CLCA4: variants seen among roughly 807,000 people sequenced by gnomAD.
The protein encoded by CLCA4 is calcium-activated chloride channel regulator 4.
CLCA4 carries 69 observed loss-of-function variants against 78.9 expected under a neutral mutation model. The ratio of observed to expected loss-of-function variants is 0.87; its 90% CI spans 0.72 to 1.07. The LOEUF (loss-of-function observed/expected upper bound fraction) is 1.07. Among genes scored for constraint, CLCA4 ranks in the 50% least tolerant of loss-of-function variants. The pLI is 0.00. For synonymous variants in CLCA4, 362 were observed against 375.8 expected (o/e 0.96, Z 0.42); for missense variants, 1,133 against 1,095.8 (o/e 1.03, Z -0.48).
chr1:86,576,531 A>G (rs1217883391), intron 11 of CLCA4, among the ~76,000 whole-genome samples: 2 of 151,980 alleles, frequency 1.3e-5, no homozygotes. Flanking sequence ...CAGGCAACCA[A>G]TGTCTGTCAC....
At chr1:86,578,519 T>A (rs536765299) in intron 12 of CLCA4, among the ~76,000 whole-genome samples, 19 of 152,174 alleles carry the variant, frequency 1.2e-4, no homozygotes, top group Admixed American at 2.6e-4. Flanking sequence ...TGAATTCTCA[T>A]CATTTAGCTC....
intron 11 of CLCA4, among the ~76,000 whole-genome samples, chr1:86,576,813 A>G (rs1011191894): frequency 6.6e-6 from 1 of 152,004 alleles, no homozygotes; most frequent in East Asian, 1.9e-4. Context: ...ATCAAGATGC[A>G]ACGTTGGCCA....
intron 1 of CLCA4, among the ~76,000 whole-genome samples, chr1:86,547,592 T>C (rs773125358): frequency 7.2e-5 from 11 of 152,324 alleles, no homozygotes; most frequent in Middle Eastern, 3.4e-3. Context: ...TTTGTACACA[T>C]TGACAAACTT....
At chr1:86,578,373 G>A (rs539892413) in intron 12 of CLCA4, among the ~76,000 whole-genome samples, 22 of 151,994 alleles carry the variant, frequency 1.4e-4, no homozygotes, top group Non-Finnish European at 2.5e-4. Context: ...GTGTCATGGC[G>A]GTTTGTTGTA....
chr1:86,559,723 T>C (rs1649956212), intron 1 of CLCA4, among the ~76,000 whole-genome samples: 1 of 152,240 alleles, frequency 6.6e-6, no homozygotes, highest in Non-Finnish European at 1.5e-5. Flanking sequence ...GGCAGGATTA[T>C]AGAAGACTGA....
At chr1:86,553,215 A>T in intron 1 of CLCA4, 1 of 1,170,968 alleles carries the variant, frequency 8.5e-7, no homozygotes. Flanking sequence ...CTGCAGCTTC[A>T]CCAGGGACAT....
chr1:86,571,248 A>T lies in CLCA4; in HGVS notation c.1354A>T (p.Ile452Leu). The change falls in exon 8 of 14, where the codon ATA becomes TTA. Residue 452 changes from isoleucine (I) to leucine (L), a missense_variant. Transcript: ENST00000370563. ...ADEAVIEMSK[I>L]TGGSHFYVSD... ...TGAAGCAGTAATAGAGATGAGCAAG[A>T]TAACAGGTAAAACACGATCCATTTA... The T allele has an allele frequency of 6.2e-7, 1 of 1,611,082 alleles. No homozygotes were observed. The highest frequency in any genetic ancestry group is 8.5e-7 in the Non-Finnish European group (1 of 1,177,990).
At position 86,567,484 on chromosome 1, in the gene CLCA4, G is replaced by C. The variant is rs1650236725; in HGVS notation, c.1015G>C (p.Glu339Gln). The C allele has an allele frequency of 6.2e-7, 1 of 1,613,198 alleles. No homozygotes were observed. The highest frequency in any genetic ancestry group is 1.7e-5 in the Admixed American group (1 of 59,932). The change falls in exon 7 of 14, where the codon GAA (glutamate) becomes CAA (glutamine). Residue 339 changes from glutamate (E) to glutamine (Q), a missense_variant. Physicochemically the swap from Glu to Gln is conservative, Grantham distance 29 (BLOSUM62 2). Coordinates refer to ENST00000370563, the MANE Select transcript of CLCA4 (RefSeq NM_012128.4). ...AAKHFLLQTV[E>Q]NGSWVGMVHF... Reference sequence around the variant, plus strand: ...AAAACATTTCCTGCTGCAGACTGTTGAAAATGGATCCTGGGTGGGGATGGT... The same window carrying C: ...AAAACATTTCCTGCTGCAGACTGTTCAAAATGGATCCTGGGTGGGGATGGT...
At position 86,575,583 on chromosome 1, in the gene CLCA4, T is replaced by C. The variant is rs1650490811; in HGVS notation, c.1935T>C (p.Leu645=). Residue 645 remains leucine (L), a synonymous_variant, in exon 11 of 14, where the codon CTT becomes CTC. Coordinates refer to ENST00000370563, the MANE Select transcript of CLCA4 (RefSeq NM_012128.4). ...ATGGACATACAGAAGTTTTGGAACT[T>C]TTGGATAATGGTGCAGGTAATTCAC... The part of the protein sequence containing the change: ...SQNGHTEVLE[L]LDNGAGADSF... 6.2e-7 allele frequency: 1 copy of C among 1,612,230 alleles called. No homozygotes were observed. Among genetic ancestry groups the C allele is most frequent in the Non-Finnish European group, 8.5e-7 (1 of 1,178,930 alleles).
chr1:86,561,564 G>A lies in CLCA4; in HGVS notation c.448+1206G>A, dbSNP rs370487447. Among the ~76,000 whole-genome samples the A allele has an allele frequency of 5.9e-5, 9 of 152,218 alleles. No individual in the cohort carries two copies. The East Asian group carries it at 1.4e-3, about 23-fold the overall frequency. ...CTCTTTCTCAATTCCTATAGCAGCT[G>A]TTCTAAAATGTCTACCAATTTTCTC... On this transcript the variant is annotated intron_variant, in intron 3 of 13. Transcript: ENST00000370563.
intron 1 of CLCA4, among the ~76,000 whole-genome samples, chr1:86,548,421 G>A (rs180696980): frequency 3.9e-5 from 6 of 152,126 alleles, no homozygotes; most frequent in Non-Finnish European, 4.4e-5. Context: ...TGGCTCTCAT[G>A]CCTGTAATCT....
intron 1 of CLCA4, 119 bp from the exon 2 acceptor site, chr1:86,559,813 A>G: frequency 1.4e-6 from 1 of 739,204 alleles, no homozygotes; most frequent in Non-Finnish European, 2.3e-6. Flanking sequence ...CAGAGACCCT[A>G]CTCATCAGTC....
intron 1 of CLCA4, among the ~76,000 whole-genome samples, chr1:86,547,551 C>T (rs1297485597): frequency 6.6e-6 from 1 of 152,154 alleles, no homozygotes; most frequent in Non-Finnish European, 1.5e-5. Context: ...CTATCAAATA[C>T]TAGAACTTAT....
chr1:86,553,728 A>G (rs1359211751), intron 1 of CLCA4, among the ~76,000 whole-genome samples: 1 of 152,166 alleles, frequency 6.6e-6, no homozygotes, highest in East Asian at 1.9e-4. Flanking sequence ...TGAGGTCAGG[A>G]GTTCGAGACC....
chr1:86,566,681 T>G (rs1332855766), intron 6 of CLCA4, among the ~76,000 whole-genome samples: 1 of 152,004 alleles, frequency 6.6e-6, no homozygotes, highest in African/African-American at 2.4e-5. Flanking sequence ...TAGAAGTTTC[T>G]CATTGTGATT....
chr1:86,553,211 CT>C, intron 1 of CLCA4: 2 of 1,173,064 alleles, frequency 1.7e-6, no homozygotes, highest in Admixed American at 1.7e-5. Flanking sequence ...AAAGCTGCAG[CT>C]TCACCAGGGA....
chr1:86,565,489 A>C, intron 5 of CLCA4, 38 bp downstream of exon 5: 1 of 1,433,594 alleles, frequency 7.0e-7, no homozygotes, highest in Non-Finnish European at 9.6e-7. Flanking sequence ...ATTTATAATC[A>C]AATGACATAT....
At position 86,571,234 on chromosome 1, in the gene CLCA4, T is replaced by G. The variant is rs375521329; in HGVS notation, c.1340T>G (p.Ile447Arg). ...ALGRAADEAV[I>R]EMSKITGGSH... ...GGAAGAGCTGCTGATGAAGCAGTAATAGAGATGAGCAAGATAACAGGTAAA... is the reference window on the plus strand; with the variant it reads ...GGAAGAGCTGCTGATGAAGCAGTAAGAGAGATGAGCAAGATAACAGGTAAA... The change falls in exon 8 of 14, where the codon ATA becomes AGA. Residue 447 changes from isoleucine to arginine, a missense_variant. Ile to Arg is a moderately conservative substitution (Grantham distance 97). Coordinates refer to ENST00000370563, the MANE Select transcript of CLCA4 (RefSeq NM_012128.4). 297 of 1,611,944 alleles carry G rather than the reference T, an allele frequency of 1.8e-4. 2 individuals carry two copies. The highest frequency in any genetic ancestry group is 2.4e-4 in the Non-Finnish European group (284 of 1,178,680).
chr1:86,553,420 G>A, intron 1 of CLCA4: 1 of 404,536 alleles, frequency 2.5e-6, no homozygotes, highest in Non-Finnish European at 4.4e-6. Context: ...AGGCGAGGCA[G>A]CAGAGATCCT....
Sources: gnomAD v4.1 joint callset for allele counts (sites outside exome capture counted in the v4.1 genomes callset) on GRCh38, gnomAD v4.1.1 for gene constraint, MANE v1.5 for transcripts, NCBI Gene and HGNC (gene_info 2026-07-23, HGNC 2026-07-21) for gene names.